Variants in UBE4B observed in about 807,000 individuals in gnomAD.
The protein encoded by UBE4B is ubiquitin conjugation factor E4 B.
Under a neutral mutation model 148.1 loss-of-function variants are expected in UBE4B, and 27 were observed. That is an observed-to-expected ratio of 0.18 (90% CI 0.13 to 0.25). UBE4B has a LOEUF of 0.25. Ranked by LOEUF, UBE4B falls within the 10% of genes least tolerant of loss-of-function variation. The pLI, the probability that UBE4B is intolerant of heterozygous loss-of-function variation, is 1.00. For missense variants in UBE4B, 1,170 were observed against 1,662.4 expected, an observed-to-expected ratio of 0.70 and a Z score of 5.15; for synonymous variants, 596 against 619.3, an observed-to-expected ratio of 0.96 and a Z score of 0.56.
intron 17 of UBE4B, among the ~76,000 whole-genome samples, chr1:10,138,935 G>A (rs1645740296): frequency 6.6e-6 from 1 of 152,100 alleles, no homozygotes; most frequent in African/African-American, 2.4e-5. Flanking sequence ...TTCTTTCCTG[G>A]AGTAAACTTA....
At chr1:10,045,214 C>T (rs901113104) in intron 1 of UBE4B, among the ~76,000 whole-genome samples, 4 of 152,202 alleles carry the variant, frequency 2.6e-5, no homozygotes, top group Admixed American at 1.3e-4. Context: ...CTCCCTCACT[C>T]GCGTGCTTGC....
intron 20 of UBE4B, among the ~76,000 whole-genome samples, chr1:10,150,821 C>T (rs1220032342): frequency 6.7e-6 from 1 of 148,566 alleles, no homozygotes; most frequent in East Asian, 2.0e-4. Flanking sequence ...GATTGTGCCA[C>T]TGCACTCCAG....
chr1:10,169,868 A>T (rs1049803823), intron 24 of UBE4B, among the ~76,000 whole-genome samples: 1 of 152,174 alleles, frequency 6.6e-6, no homozygotes, highest in Non-Finnish European at 1.5e-5. Context: ...TACAAAAATT[A>T]GCCAGGCGTG....
chr1:10,059,013 C>G (rs377228104), intron 1 of UBE4B: 1 of 152,064 alleles, frequency 6.6e-6, no homozygotes, highest in Non-Finnish European at 1.5e-5. Flanking sequence ...TTTGGGAGGC[C>G]GGGGCGGGCG....
chr1:10,154,706 G>A lies in UBE4B; in HGVS notation c.2926+3145G>A, dbSNP rs373572637. On this transcript the variant is annotated intron_variant, in intron 21 of 27. Transcript: ENST00000343090. The stretch of plus-strand genomic sequence containing the variant: ...ATACAAAAAAATTTAGCTGGGCGTA[G>A]TGGTGCACACCTATAGTCCCAGCTT... Among the ~76,000 whole-genome samples, 61 of 152,210 alleles carry A rather than the reference G, an allele frequency of 4.0e-4. 1 individual carries two copies. In the South Asian group the frequency reaches 0.011, roughly 28 times the overall value.
At chr1:10,086,474 A>G (rs941324768) in intron 2 of UBE4B, among the ~76,000 whole-genome samples, 1 of 152,138 alleles carries the variant, frequency 6.6e-6, no homozygotes, top group African/African-American at 2.4e-5. Context: ...TAAATGAGGT[A>G]TGGGGGGACT....
intron 2 of UBE4B, among the ~76,000 whole-genome samples, chr1:10,077,466 C>A (rs1644603983): frequency 6.6e-6 from 1 of 152,198 alleles, no homozygotes; most frequent in South Asian, 2.1e-4. Flanking sequence ...TGTTTTTGAT[C>A]TGCATCTCCT....
At chr1:10,108,240 G>A (rs1645154766) in intron 7 of UBE4B, among the ~76,000 whole-genome samples, 1 of 150,182 alleles carries the variant, frequency 6.7e-6, no homozygotes, top group African/African-American at 2.5e-5. Flanking sequence ...CTCAGTCTGG[G>A]CAATCCATCG....
intron 17 of UBE4B, among the ~76,000 whole-genome samples, chr1:10,143,661 G>A (rs753636768): frequency 4.6e-5 from 7 of 152,182 alleles, no homozygotes; most frequent in Admixed American, 6.5e-5. Flanking sequence ...CAAGTTTGGA[G>A]GAGCCATTCT....
chr1:10,101,330 A>T, intron 4 of UBE4B, 135 bp downstream of exon 4: 1 of 755,760 alleles, frequency 1.3e-6, no homozygotes. Context: ...TATTCTTTTG[A>T]GGAAAAATGA....
In UBE4B at chr1:10,161,091, AT is replaced by A; in HGVS notation, c.3054-47del. ...CTTGTTCCCTGGGATTTGCTGTGGC[AT>A]TTTGCTTCAGGGAGATGTATGACCA... On this transcript the variant is annotated intron_variant, in intron 22 of 27. Coordinates refer to ENST00000343090, the MANE Select transcript of UBE4B (RefSeq NM_001105562.3). The surrounding 1 kb of genome is among the most constrained non-coding windows in gnomAD (Gnocchi z 4.1). The A allele has an allele frequency of 6.3e-7, 1 of 1,591,240 alleles. No individual in the cohort carries two copies. Among genetic ancestry groups the A allele is most frequent in the Non-Finnish European group, 8.6e-7 (1 of 1,164,424 alleles).
intron 21 of UBE4B, among the ~76,000 whole-genome samples, chr1:10,153,092 T>A (rs894845530): frequency 6.6e-6 from 1 of 151,906 alleles, no homozygotes; most frequent in Non-Finnish European, 1.5e-5. Context: ...CTAAGTCCCT[T>A]GTTTCTCCTT....
intron 17 of UBE4B, among the ~76,000 whole-genome samples, chr1:10,142,602 C>T (rs986078859): frequency 5.9e-5 from 9 of 152,190 alleles, no homozygotes; most frequent in Admixed American, 2.6e-4. Flanking sequence ...ACACGGGAGA[C>T]GGAGGTTGCA....
rs373306020 is a variant in UBE4B, at chr1:10,144,929, T to C, written c.2364-11T>C. 1.6e-5 allele frequency: 25 copies of C among 1,606,062 alleles called. No homozygotes were observed. The African/African-American group carries it at 2.9e-4, about 19-fold the overall frequency. ...GTTTTCTTTCATTTGACTGTTAGTC[T>C]TTGATTTCAGAACTGTAGAAGATTT... is the stretch of plus-strand genomic sequence containing the variant. On this transcript the variant is annotated splice_polypyrimidine_tract_variant and intron_variant, in intron 17 of 27. Transcript: ENST00000343090.
In UBE4B at chr1:10,149,229, G is replaced by T; in HGVS notation, c.2637G>T (p.Ala879=). ...CAGATGTCCCCAAGGTATTTGCAGC[G>T]TTGCCTGAGTTTTATGTAGAAGATG... ...LNSDVPKVFA[A]LPEFYVEDVA... Residue 879 remains alanine (A), a synonymous_variant, in exon 20 of 28, where the codon GCG becomes GCT. Transcript: ENST00000343090. 1.2e-6 allele frequency: 2 copies of T among 1,610,434 alleles called. No homozygotes were observed. Among genetic ancestry groups the T allele is most frequent in the Non-Finnish European group, 1.7e-6 (2 of 1,178,840 alleles).
chr1:10,062,601 T>C (rs1389604727), intron 1 of UBE4B, among the ~76,000 whole-genome samples: 3 of 151,696 alleles, frequency 2.0e-5, no homozygotes, highest in African/African-American at 7.3e-5. Flanking sequence ...CGTAAGCCGC[T>C]GTACCGGCCG....
At chr1:10,178,283 G>A (rs962414483) in intron 25 of UBE4B, among the ~76,000 whole-genome samples, 4 of 151,974 alleles carry the variant, frequency 2.6e-5, no homozygotes, top group African/African-American at 9.7e-5. Flanking sequence ...GACTGAAATA[G>A]ACTAGATTTC....
At position 10,131,967 on chromosome 1, in the gene UBE4B, C is replaced by T. The variant is rs555785690; in HGVS notation, c.1912-402C>T. On this transcript the variant is annotated intron_variant, in intron 14 of 27. Transcript: ENST00000343090. ...AACTCCGTCTCAAAAAAAAAAACAA[C>T]AAAAATGCAAAAACTAGCTGGGTGT... Among the ~76,000 whole-genome samples, 46 of 150,094 alleles carry T rather than the reference C, an allele frequency of 3.1e-4. 2 individuals are homozygous for T. In the South Asian group the frequency reaches 9.3e-3, roughly 30 times the overall value.
chr1:10,056,886 G>T (rs956003856), intron 1 of UBE4B, among the ~76,000 whole-genome samples: 1 of 152,152 alleles, frequency 6.6e-6, no homozygotes, highest in Non-Finnish European at 1.5e-5. Context: ...GAGTGCAGTG[G>T]CACATTCATG....
Sources: gnomAD v4.1 joint callset for allele counts (sites outside exome capture counted in the v4.1 genomes callset) on GRCh38, gnomAD v4.1.1 for gene constraint, Gnocchi (gnomAD v3.1) non-coding constraint, MANE v1.5 for transcripts, NCBI Gene and HGNC (gene_info 2026-07-23, HGNC 2026-07-21) for gene names.